RRP15: variants seen among roughly 807,000 people sequenced by gnomAD.
RRP15 encodes the protein ribosomal RNA processing 15 homolog, also known as RRP15-like protein.
In RRP15, 18 loss-of-function variants were observed where a neutral mutation model predicts 27.1. The ratio of observed to expected loss-of-function variants is 0.66; its 90% CI spans 0.46 to 0.98. The LOEUF (loss-of-function observed/expected upper bound fraction) is 0.98. RRP15 is among the 50% of genes least tolerant of loss of function. RRP15 has a pLI of 0.00. For synonymous variants in RRP15, 107 were observed against 109.4 expected (o/e 0.98, Z 0.14); for missense variants, 359 against 337.8 (o/e 1.06, Z -0.49).
Position 218,332,495 on chromosome 1 carries a change from A to G in RRP15, c.*1404A>G, listed in dbSNP as rs1656386769. Reference sequence around the variant, plus strand: ...TTCATAATAAAAATAATTCCCTCCTACCACCCAGTTGCACATACTTGCATC... The same window carrying G: ...TTCATAATAAAAATAATTCCCTCCTGCCACCCAGTTGCACATACTTGCATC... On this transcript the variant is annotated 3_prime_UTR_variant, in exon 5 of 5. Transcript: ENST00000366932. The G allele has an allele frequency of 6.6e-6, 1 of 152,134 alleles. No individual in the cohort carries two copies. Among genetic ancestry groups the G allele is most frequent in the Non-Finnish European group, 1.5e-5 (1 of 68,002 alleles). 9.4% of individuals were successfully genotyped at this position (152,134 alleles called of 1,614,324 possible). A position where few individuals can be genotyped will look rare whatever the true frequency, so the allele number is the denominator to read the frequency against.
chr1:218,291,485 TAAAGA>T (rs1441599204), intron 1 of RRP15, among the ~76,000 whole-genome samples: 1 of 140,090 alleles, frequency 7.1e-6, no homozygotes. Context: ...ACTCTGAGAT[TAAAGA>T]AAAAGGAAAA....
At chr1:218,311,096 T>C (rs1227503369) in intron 4 of RRP15, among the ~76,000 whole-genome samples, 1 of 152,182 alleles carries the variant, frequency 6.6e-6, no homozygotes, top group African/African-American at 2.4e-5. Flanking sequence ...AATTTTATTA[T>C]CAAAGCAATA....
chr1:218,304,745 A>G (rs1250777655), intron 2 of RRP15, among the ~76,000 whole-genome samples: 1 of 152,086 alleles, frequency 6.6e-6, no homozygotes, highest in Non-Finnish European at 1.5e-5. Flanking sequence ...TGGCTCCCTC[A>G]CACCCTATCT....
intron 1 of RRP15, among the ~76,000 whole-genome samples, chr1:218,300,129 T>C (rs1655787531): frequency 3.3e-5 from 5 of 152,164 alleles, no homozygotes; most frequent in Admixed American, 3.3e-4. Context: ...ATTAAATGTT[T>C]TCATTAATTT....
At chr1:218,295,839 C>G (rs1655709853) in intron 1 of RRP15, among the ~76,000 whole-genome samples, 1 of 152,120 alleles carries the variant, frequency 6.6e-6, no homozygotes, top group African/African-American at 2.4e-5. Flanking sequence ...AGTGTTTTCC[C>G]ATGGTACCAC....
rs146914876 is a variant in RRP15, at chr1:218,289,184, A to G, written c.139+3729A>G. ...CTGCTAGTCCCATCTCTTTTTGCCA[A>G]ATAAGTTTTCCCACCTTTGGTAATG... On this transcript the variant is annotated intron_variant, in intron 1 of 4. Coordinates refer to ENST00000366932, the MANE Select transcript of RRP15 (RefSeq NM_016052.4). Among the ~76,000 whole-genome samples, 132 of 152,258 alleles carry G rather than the reference A, an allele frequency of 8.7e-4. 1 individual carries two copies. The highest frequency in any genetic ancestry group is 2.6e-3 in the African/African-American group (108 of 41,542).
chr1:218,326,737 G>A (rs151073102), intron 4 of RRP15, among the ~76,000 whole-genome samples: 1 of 152,332 alleles, frequency 6.6e-6, no homozygotes, highest in Non-Finnish European at 1.5e-5. Context: ...TGCTGTGTGT[G>A]TGTGTAACTT....
chr1:218,304,287 A>T (rs1257461645), intron 2 of RRP15, among the ~76,000 whole-genome samples: 3 of 152,210 alleles, frequency 2.0e-5, no homozygotes, highest in African/African-American at 4.8e-5. Flanking sequence ...ATTATATTTG[A>T]TATTTGGTTA....
intron 1 of RRP15, among the ~76,000 whole-genome samples, chr1:218,298,490 A>G (rs1313190550): frequency 6.6e-6 from 1 of 152,134 alleles, no homozygotes; most frequent in Non-Finnish European, 1.5e-5. Flanking sequence ...ATGTTGAGGG[A>G]CTGTGAGCCT....
chr1:218,287,226 C>T (rs1333549455), intron 1 of RRP15, among the ~76,000 whole-genome samples: 1 of 151,216 alleles, frequency 6.6e-6, no homozygotes, highest in Non-Finnish European at 1.5e-5. Flanking sequence ...AGTGATCCAC[C>T]CGTCTCGGCC....
Position 218,285,337 on chromosome 1 carries a change from C to G in RRP15, c.21C>G (p.Asp7Glu). 1 of 1,614,060 alleles carries G rather than the reference C, an allele frequency of 6.2e-7. No homozygotes were observed. Among genetic ancestry groups the G allele is most frequent in the Non-Finnish European group, 8.5e-7 (1 of 1,180,002 alleles). MAAAAP[D>E]SRVSEEENLK... The stretch of plus-strand genomic sequence containing the variant: ...GAAAAATGGCAGCCGCCGCTCCGGA[C>G]TCACGTGTGAGTGAGGAAGAAAACC... The change falls in exon 1 of 5, where the codon GAC becomes GAG. Residue 7 changes from aspartate to glutamate, a missense_variant. Coordinates refer to ENST00000366932, the MANE Select transcript of RRP15 (RefSeq NM_016052.4).
intron 4 of RRP15, among the ~76,000 whole-genome samples, chr1:218,310,459 T>C (rs1655975919): frequency 6.6e-6 from 1 of 152,178 alleles, no homozygotes; most frequent in Admixed American, 6.5e-5. Flanking sequence ...AGTCTTATGT[T>C]CAATAATCAA....
At chr1:218,292,613 G>A (rs919517949) in intron 1 of RRP15, among the ~76,000 whole-genome samples, 1 of 152,212 alleles carries the variant, frequency 6.6e-6, no homozygotes, top group African/African-American at 2.4e-5. Flanking sequence ...TTGGGGTTAC[G>A]AATACATTTT....
intron 4 of RRP15, among the ~76,000 whole-genome samples, chr1:218,308,471 T>C (rs1168857798): frequency 6.6e-6 from 1 of 152,088 alleles, no homozygotes; most frequent in Non-Finnish European, 1.5e-5. Flanking sequence ...AAGCAAAATA[T>C]GTAGTTATAT....
intron 4 of RRP15, among the ~76,000 whole-genome samples, chr1:218,307,888 G>A (rs754176027): frequency 1.2e-4 from 18 of 152,120 alleles, no homozygotes; most frequent in Non-Finnish European, 2.6e-4. Context: ...TAGAGGGTGT[G>A]TAACTTACAA....
At position 218,302,618 on chromosome 1, in the gene RRP15, G is replaced by A. The variant is rs1249595517; in HGVS notation, c.405+59G>A. 3 of 1,557,356 alleles carry A rather than the reference G, an allele frequency of 1.9e-6. No homozygotes were observed. In the East Asian group the frequency reaches 6.7e-5, roughly 35 times the overall value. Reference sequence around the variant, plus strand: ...GTTTGTCTAGGCTAGCTCTTATCTTGACCGAACTGTTTCTTGCAGTGTTTG... The same window carrying A: ...GTTTGTCTAGGCTAGCTCTTATCTTAACCGAACTGTTTCTTGCAGTGTTTG... On this transcript the variant is annotated intron_variant, in intron 2 of 4. Coordinates refer to ENST00000366932, the MANE Select transcript of RRP15 (RefSeq NM_016052.4).
At chr1:218,321,996 T>G (rs1036455470) in intron 4 of RRP15, among the ~76,000 whole-genome samples, 31 of 152,212 alleles carry the variant, frequency 2.0e-4, no homozygotes, top group African/African-American at 7.2e-4. Context: ...ACTCCAAATC[T>G]TTTATGGAAA....
rs1021276505 is a variant in RRP15 at position 218,332,861 on chromosome 1, C to T, written c.*1770C>T. 1 of 135,692 alleles carries T rather than the reference C, an allele frequency of 7.4e-6. No individual in the cohort carries two copies. The highest frequency in any genetic ancestry group is 1.6e-5 in the Non-Finnish European group (1 of 63,718). The allele number at this position is 135,692 out of a possible 1,614,324, so 8.4% of individuals were successfully genotyped here. A position where few individuals can be genotyped will look rare whatever the true frequency, so the allele number is the denominator to read the frequency against. ...ATTTCAATATGACTTAACAAACACA[C>T]AATTTTGAAAAAAAAAAAAAAAAAG... On this transcript the variant is annotated 3_prime_UTR_variant, in exon 5 of 5. Coordinates refer to ENST00000366932, the MANE Select transcript of RRP15 (RefSeq NM_016052.4).
intron 1 of RRP15, among the ~76,000 whole-genome samples, chr1:218,289,541 C>T (rs1038044476): frequency 1.3e-5 from 2 of 152,202 alleles, no homozygotes; most frequent in Non-Finnish European, 2.9e-5. Flanking sequence ...CTGCTTCTGT[C>T]TCTAAGAAAG....
Sources: allele counts gnomAD v4.1 joint callset (sites outside exome capture counted in the v4.1 genomes callset), GRCh38; gene constraint gnomAD v4.1.1; transcripts MANE v1.5; gene names NCBI Gene and HGNC (gene_info 2026-07-23, HGNC 2026-07-21).